The following PXDC1 variants were observed in gnomAD, a reference collection of about 807,000 sequenced individuals.
PXDC1 encodes PX domain-containing protein 1.
In PXDC1, 13 loss-of-function variants were observed where a neutral mutation model predicts 24.4. The ratio of observed to expected loss-of-function variants is 0.53; its 90% CI spans 0.35 to 0.85. PXDC1 has a LOEUF of 0.85. PXDC1 is among the 40% of genes least tolerant of loss of function. The probability of loss-of-function intolerance (pLI) is 0.01; values close to 1 mark genes in which losing one functional copy is unlikely to be tolerated. For synonymous variants in PXDC1, 162 were observed against 124.9 expected (o/e 1.30, Z -1.98); for missense variants, 344 against 309.3 (o/e 1.11, Z -0.84).
intron 1 of PXDC1, 108 bp downstream of exon 1, chr6:3,751,168 G>T: frequency 1.1e-6 from 1 of 880,758 alleles, no homozygotes; most frequent in Non-Finnish European, 1.6e-6. Context: ...TGTCCAGGGC[G>T]GGCAGAAAGG....
intron 1 of PXDC1, among the ~76,000 whole-genome samples, chr6:3,746,528 G>GC: frequency 6.6e-6 from 1 of 152,152 alleles, no homozygotes. Context: ...AAGTAAAGCT[G>GC]CCCCTCTGGG....
At chr6:3,750,507 G>A (rs1172223898) in intron 1 of PXDC1, among the ~76,000 whole-genome samples, 1 of 151,830 alleles carries the variant, frequency 6.6e-6, no homozygotes. Flanking sequence ...CCTCTCTCTT[G>A]CGTCCTCCCG....
Position 3,723,571 on chromosome 6 carries a change from C to T in PXDC1, c.*48G>A. 1 of 1,394,544 alleles carries T rather than the reference C, an allele frequency of 7.2e-7. No homozygotes were observed. The highest frequency in any genetic ancestry group is 1.0e-6 in the Non-Finnish European group (1 of 981,750). The allele number at this position is 1,394,544 out of a possible 1,614,324, so 86.4% of individuals were successfully genotyped here. A position where few individuals can be genotyped will look rare whatever the true frequency, so the allele number is the denominator to read the frequency against. ...TGGGGGCCAGCACAGTGGACAGCATCAGAGCTGGCAGTGAACAGCTGAGGC... is the reference window on the plus strand; with the variant it reads ...TGGGGGCCAGCACAGTGGACAGCATTAGAGCTGGCAGTGAACAGCTGAGGC... On this transcript the variant is annotated 3_prime_UTR_variant, in exon 5 of 5. Transcript: ENST00000380283.
chr6:3,738,229 A>T, intron 1 of PXDC1, 81 bp from the exon 2 acceptor site: 1 of 1,039,400 alleles, frequency 9.6e-7, no homozygotes, highest in Non-Finnish European at 1.5e-6. Flanking sequence ...ACAGGTGCCC[A>T]CAAACCGCCA....
intron 1 of PXDC1, among the ~76,000 whole-genome samples, chr6:3,749,806 G>C (rs1760657815): frequency 6.6e-6 from 1 of 152,182 alleles, no homozygotes; most frequent in Admixed American, 6.5e-5. Context: ...GCCTGCCTGG[G>C]GTCACGGAGC....
intron 3 of PXDC1, among the ~76,000 whole-genome samples, chr6:3,735,704 G>C (rs1179503307): frequency 6.6e-6 from 1 of 152,156 alleles, no homozygotes; most frequent in African/African-American, 2.4e-5. Context: ...AAGGTGACAA[G>C]GGTTAACAGT....
chr6:3,730,457 G>A (rs1212288359), intron 3 of PXDC1, among the ~76,000 whole-genome samples: 1 of 151,868 alleles, frequency 6.6e-6, no homozygotes, highest in African/African-American at 2.4e-5. Flanking sequence ...TATTTACTTG[G>A]TCACTTTAAC....
intron 3 of PXDC1, among the ~76,000 whole-genome samples, chr6:3,732,306 T>C (rs1214734338): frequency 2.0e-5 from 3 of 152,204 alleles, no homozygotes; most frequent in Non-Finnish European, 4.4e-5. Context: ...GTATTTCCCA[T>C]GTACTCCAGC....
rs1760119336 is a variant in PXDC1, at chr6:3,728,401, G to A, written c.467-739C>T. 6.6e-6 allele frequency among the ~76,000 whole-genome samples: 1 copy of A among 152,164 alleles called. No individual in the cohort carries two copies. The highest frequency in any genetic ancestry group is 1.5e-5 in the Non-Finnish European group (1 of 68,028). ...GCCCATTCCTGAGTTACTTCTCAGT[G>A]TGCATTTTAAACCAAAGGGTGACTT... On this transcript the variant is annotated intron_variant, in intron 3 of 4. Transcript: ENST00000380283. The surrounding 1 kb of genome is among the most constrained non-coding windows in gnomAD (Gnocchi z 4.0).
At chr6:3,749,126 T>C (rs976983212) in intron 1 of PXDC1, among the ~76,000 whole-genome samples, 55 of 151,918 alleles carry the variant, frequency 3.6e-4, no homozygotes, top group Non-Finnish European at 8.8e-5. Context: ...TAACTGCCCC[T>C]CAGAAAACCA....
chr6:3,740,930 C>T (rs547057847), intron 1 of PXDC1, among the ~76,000 whole-genome samples: 1 of 152,404 alleles, frequency 6.6e-6, no homozygotes, highest in South Asian at 2.1e-4. Context: ...ACCTTAGGCT[C>T]ATCTCCCTGT....
intron 3 of PXDC1, among the ~76,000 whole-genome samples, chr6:3,731,644 G>A (rs192418868): frequency 9.2e-5 from 14 of 152,120 alleles, no homozygotes; most frequent in East Asian, 5.8e-4. Flanking sequence ...CCTCTTTTCC[G>A]TGGGGGCCCC....
At position 3,737,007 on chromosome 6, in the gene PXDC1, CTG is replaced by C; in HGVS notation, c.466+70_466+71del. The C allele has an allele frequency of 1.1e-6, 1 of 904,796 alleles. No individual in the cohort carries two copies. Among genetic ancestry groups the C allele is most frequent in the East Asian group, 2.4e-5 (1 of 41,618 alleles). 56.0% of individuals were successfully genotyped at this position (904,796 alleles called of 1,614,324 possible). A position where few individuals can be genotyped will look rare whatever the true frequency, so the allele number is the denominator to read the frequency against. Reference sequence around the variant, plus strand: ...GTGGCCCAGCCTCAGAGACAGCCAACTGTGAGGGTTTCTGTGACATCTCAGCC... The same window carrying C: ...GTGGCCCAGCCTCAGAGACAGCCAACTGAGGGTTTCTGTGACATCTCAGCC... On this transcript the variant is annotated intron_variant, in intron 3 of 4. Coordinates refer to ENST00000380283, the MANE Select transcript of PXDC1 (RefSeq NM_183373.4). The surrounding 1 kb of genome is among the most constrained non-coding windows in gnomAD (Gnocchi z 5.5).
At chr6:3,729,871 T>C (rs1268171798) in intron 3 of PXDC1, among the ~76,000 whole-genome samples, 1 of 152,188 alleles carries the variant, frequency 6.6e-6, no homozygotes, top group Non-Finnish European at 1.5e-5. Flanking sequence ...TTAAAACAAA[T>C]GTCACTGCTG....
chr6:3,745,238 G>C (rs9378817), intron 1 of PXDC1, among the ~76,000 whole-genome samples: 2 of 152,030 alleles, frequency 1.3e-5, no homozygotes, highest in Non-Finnish European at 2.9e-5. Flanking sequence ...ACATGAGTGG[G>C]CCAGTCCTGC....
At chr6:3,741,209 G>A (rs1261946556) in intron 1 of PXDC1, among the ~76,000 whole-genome samples, 1 of 152,222 alleles carries the variant, frequency 6.6e-6, no homozygotes, top group Non-Finnish European at 1.5e-5. Flanking sequence ...TAAAACTGCT[G>A]AGCCACACTG....
intron 1 of PXDC1, among the ~76,000 whole-genome samples, chr6:3,739,485 G>A (rs923323774): frequency 2.2e-4 from 34 of 152,258 alleles, no homozygotes; most frequent in Admixed American, 1.7e-3. Context: ...AGGCCCAGGC[G>A]GCCAGCTGTG....
chr6:3,745,736 G>A (rs2127602308), intron 1 of PXDC1, among the ~76,000 whole-genome samples: 1 of 152,268 alleles, frequency 6.6e-6, no homozygotes, highest in South Asian at 2.1e-4. Context: ...CCAGCAATCT[G>A]GCAAGGCCTT....
At chr6:3,744,477 G>A (rs1193110933) in intron 1 of PXDC1, among the ~76,000 whole-genome samples, 4 of 152,204 alleles carry the variant, frequency 2.6e-5, no homozygotes, top group Admixed American at 6.5e-5. Context: ...GGCAGGAGGC[G>A]GCCTGAAGGG....
Sources: allele counts gnomAD v4.1 joint callset (sites outside exome capture counted in the v4.1 genomes callset), GRCh38; gene constraint gnomAD v4.1.1; non-coding constraint Gnocchi (gnomAD v3.1); transcripts MANE v1.5; gene names NCBI Gene and HGNC (gene_info 2026-07-23, HGNC 2026-07-21).